Variants in PCDHA5 observed in about 807,000 individuals in gnomAD.
PCDHA5 encodes protocadherin alpha 5.
A neutral mutation model predicts 61.6 loss-of-function variants in PCDHA5; 43 were observed. That is an observed-to-expected ratio of 0.70 (90% CI 0.55 to 0.90). PCDHA5 has a LOEUF of 0.90. PCDHA5 is among the 40% of genes least tolerant of loss of function. The probability of loss-of-function intolerance (pLI) is 0.00; values close to 1 mark genes in which losing one functional copy is unlikely to be tolerated. For missense variants in PCDHA5, 1,298 were observed against 1,222.7 expected, an observed-to-expected ratio of 1.06 and a Z score of -0.92; for synonymous variants, 627 against 543.9, an observed-to-expected ratio of 1.15 and a Z score of -2.13.
intron 1 of PCDHA5, chr5:140,836,063 C>T (rs2150251706): frequency 6.2e-7 from 1 of 1,613,542 alleles, no homozygotes; most frequent in East Asian, 2.2e-5. Flanking sequence ...ACGAGAACGA[C>T]AACGCGCCGG....
intron 1 of PCDHA5, among the ~76,000 whole-genome samples, chr5:140,922,238 T>C (rs1554200737): frequency 6.6e-6 from 1 of 152,210 alleles, no homozygotes; most frequent in East Asian, 1.9e-4. Context: ...CCATGATGTG[T>C]ATGAAGATAA....
In PCDHA5 at chr5:140,850,578, G is replaced by A. The variant is rs1554144523; in HGVS notation, c.2352+26451G>A. ...CACGGGCCCCGAGGTGACGCTGGTG[G>A]ATGTCAACGTGTACCTGATCATCGC... On this transcript the variant is annotated intron_variant, in intron 1 of 3. Transcript: ENST00000529859. 1.4e-5 allele frequency: 23 copies of A among 1,598,460 alleles called. 2 individuals carry two copies. Among genetic ancestry groups the A allele is most frequent in the Non-Finnish European group, 2.0e-5 (23 of 1,167,876 alleles).
chr5:140,853,640 A>G, intron 1 of PCDHA5: 1 of 988,756 alleles, frequency 1.0e-6, no homozygotes, highest in Non-Finnish European at 1.2e-6. Context: ...CACAGACCTA[A>G]ATTGAGCCTG....
chr5:140,830,233 G>C, intron 1 of PCDHA5: 1 of 1,613,906 alleles, frequency 6.2e-7, no homozygotes, highest in Non-Finnish European at 8.5e-7. Flanking sequence ...TGGTCCTCAC[G>C]CTACTGCTGT....
At chr5:140,908,933 C>T (rs1554193565) in intron 1 of PCDHA5, among the ~76,000 whole-genome samples, 1 of 152,186 alleles carries the variant, frequency 6.6e-6, no homozygotes, top group East Asian at 1.9e-4. Context: ...AATGCAGCAA[C>T]TTATCCTTCA....
intron 1 of PCDHA5, chr5:140,969,574 G>T (rs948199454): frequency 1.0e-6 from 1 of 983,446 alleles, no homozygotes; most frequent in Non-Finnish European, 1.5e-6. Context: ...TGTTTGAGAA[G>T]TGAGGATTAG....
intron 2 of PCDHA5, chr5:140,982,197 A>G: frequency 1.5e-5 from 6 of 389,618 alleles, no homozygotes; most frequent in Non-Finnish European, 2.1e-5. Flanking sequence ...TTCCTGTTAG[A>G]TTTAGTGAGC....
rs2150261271 is a variant in PCDHA5 at position 140,836,456 on chromosome 5, C to G, written c.2352+12329C>G. ...CGTTGGGCATTGCAGGCCCAGAGAC[C>G]GAGCTGGTGGATGTCAACGTGTACC... On this transcript the variant is annotated intron_variant, in intron 1 of 3. Transcript: ENST00000529859. 17 of 1,613,808 alleles carry G rather than the reference C, an allele frequency of 1.1e-5. 2 individuals carry two copies. The highest frequency in any genetic ancestry group is 6.6e-5 in the South Asian group (6 of 91,076).
chr5:140,870,590 G>T, intron 1 of PCDHA5: 2 of 1,613,564 alleles, frequency 1.2e-6, no homozygotes, highest in Non-Finnish European at 1.7e-6. Flanking sequence ...CTGGTGGAGC[G>T]GCGGTTGGGC....
chr5:140,865,649 T>C (rs781986812), intron 1 of PCDHA5: 5 of 152,204 alleles, frequency 3.3e-5, no homozygotes, highest in Non-Finnish European at 5.9e-5. Flanking sequence ...AATACATTAT[T>C]TCATTTAATA....
chr5:140,848,256 A>T, intron 1 of PCDHA5: 1 of 476,798 alleles, frequency 2.1e-6, no homozygotes, highest in Admixed American at 3.8e-5. Context: ...ATAACTGTGA[A>T]ATTTTTATTC....
chr5:140,962,870 T>C (rs558640798), intron 1 of PCDHA5, among the ~76,000 whole-genome samples: 1 of 152,306 alleles, frequency 6.6e-6, no homozygotes, highest in Admixed American at 6.5e-5. Context: ...TAGAGCAACA[T>C]AAATACATGA....
rs2150182143 is a variant in PCDHA5, at chr5:140,830,158, A to C, written c.2352+6031A>C. 4 of 1,613,420 alleles carry C rather than the reference A, an allele frequency of 2.5e-6. No individual in the cohort carries two copies. In the Admixed American group the frequency reaches 5.0e-5, roughly 20 times the overall value. On this transcript the variant is annotated intron_variant, in intron 1 of 3. Coordinates refer to ENST00000529859, the MANE Select transcript of PCDHA5 (RefSeq NM_018908.3). ...GGGCGTCGGTGGGCGCCGCGGGCCC[A>C]GAGGCGGCGCTGGTGGATGTCAACG...
At chr5:140,941,195 C>T (rs1337267572) in intron 1 of PCDHA5, among the ~76,000 whole-genome samples, 39 of 106,424 alleles carry the variant, frequency 3.7e-4, no homozygotes, top group Non-Finnish European at 4.9e-4. Context: ...CTTTTTTTTT[C>T]TTTCTTCCTT....
chr5:140,941,207 C>CTTCCTTTCTTTCTT (rs1563185091), intron 1 of PCDHA5, among the ~76,000 whole-genome samples: 2 of 103,272 alleles, frequency 1.9e-5, no homozygotes, highest in African/African-American at 1.2e-4. Flanking sequence ...TTCTTCCTTT[C>CTTCCTTTCTTTCTT]TTTCTTCCTT....
intron 1 of PCDHA5, chr5:140,877,837 G>A (rs1313925880): frequency 6.3e-7 from 1 of 1,585,240 alleles, no homozygotes; most frequent in African/African-American, 1.4e-5. Context: ...TCCTCCCAGT[G>A]AAGTAAGTTA....
chr5:140,937,921 A>G (rs1304092674), intron 1 of PCDHA5, among the ~76,000 whole-genome samples: 2 of 152,184 alleles, frequency 1.3e-5, no homozygotes, highest in Non-Finnish European at 2.9e-5. Flanking sequence ...CAAAAAAAAA[A>G]AAAAAAGTTT....
intron 1 of PCDHA5, among the ~76,000 whole-genome samples, chr5:140,947,069 T>G (rs2094080715): frequency 6.6e-6 from 1 of 151,696 alleles, no homozygotes; most frequent in Admixed American, 6.6e-5. Context: ...AGTGTATATA[T>G]GTATTGAAAC....
intron 1 of PCDHA5, chr5:140,863,098 A>C (rs781829362): frequency 1.7e-6 from 1 of 578,270 alleles, no homozygotes; most frequent in Non-Finnish European, 3.4e-6. Context: ...CACGACGAGT[A>C]CCCTGGACGA....
Sources: allele counts gnomAD v4.1 joint callset (sites outside exome capture counted in the v4.1 genomes callset), GRCh38; gene constraint gnomAD v4.1.1; transcripts MANE v1.5; gene names NCBI Gene and HGNC (gene_info 2026-07-23, HGNC 2026-07-21).